VWA3B: variants seen among roughly 807,000 people sequenced by gnomAD.
VWA3B encodes the protein von Willebrand factor A domain containing 3B.
A neutral mutation model predicts 158.3 loss-of-function variants in VWA3B; 138 were observed. The ratio of observed to expected loss-of-function variants is 0.87; its 90% CI spans 0.76 to 1.00. The LOEUF (loss-of-function observed/expected upper bound fraction) is 1.00, where lower values mean the gene tolerates loss of function less well. VWA3B is among the 50% of genes least tolerant of loss of function. VWA3B has a pLI of 0.00. For missense variants in VWA3B, 1,555 were observed against 1,565.1 expected, an observed-to-expected ratio of 0.99 and a Z score of 0.11; for synonymous variants, 596 against 587.3, an observed-to-expected ratio of 1.01 and a Z score of -0.21.
intron 12 of VWA3B, among the ~76,000 whole-genome samples, chr2:98,197,447 G>T (rs1182570245): frequency 6.6e-6 from 1 of 152,056 alleles, no homozygotes; most frequent in Admixed American, 6.6e-5. Context: ...AATATCATTT[G>T]TTCCTTAAGC....
downstream of VWA3B, among the ~76,000 whole-genome samples, chr2:98,317,708 T>A (rs1691117713): frequency 6.6e-6 from 1 of 152,146 alleles, no homozygotes; most frequent in Non-Finnish European, 1.5e-5. Flanking sequence ...ATTCTATATC[T>A]TAAAGGTATT....
intron 9 of VWA3B, among the ~76,000 whole-genome samples, chr2:98,184,310 G>C (rs1291370269): frequency 1.3e-5 from 2 of 152,212 alleles, no homozygotes; most frequent in African/African-American, 4.8e-5. Context: ...GGCAGCGGAG[G>C]TGTCCACCTC....
rs779066687 is a variant in VWA3B, at chr2:98,119,681, G to A, written c.460G>A (p.Gly154Arg). 6 of 1,613,986 alleles carry A rather than the reference G, an allele frequency of 3.7e-6. No individual in the cohort carries two copies. In the East Asian group the frequency reaches 1.1e-4, roughly 30 times the overall value. ...GCTGGATTTTGGCGGCATTCTGGAG[G>A]GGGAGCTTGATCTGTGCCGAGAGGC... is the stretch of plus-strand genomic sequence containing the variant. ...IVLDFGGILEGELDLCREALT... is the reference protein window; with the variant it reads ...IVLDFGGILERELDLCREALT... Residue 154 changes from glycine to arginine, a missense_variant, in exon 4 of 28, where the codon GGG becomes AGG. Physicochemically the swap from Gly to Arg is moderately radical, Grantham distance 125. Coordinates refer to ENST00000477737, the MANE Select transcript of VWA3B (RefSeq NM_144992.5).
At chr2:98,212,307 A>G (rs1339041028) in intron 13 of VWA3B, 5 of 296,952 alleles carry the variant, frequency 1.7e-5, no homozygotes, top group Non-Finnish European at 2.5e-5. Context: ...TCTGCTGTCC[A>G]CTGAAGACTG....
intron 12 of VWA3B, among the ~76,000 whole-genome samples, chr2:98,202,856 G>A (rs542527101): frequency 1.2e-4 from 18 of 152,186 alleles, no homozygotes; most frequent in African/African-American, 4.3e-4. Context: ...TTTTGAGATG[G>A]AGTTTCGCTC....
intron 26 of VWA3B, among the ~76,000 whole-genome samples, chr2:98,306,192 C>T (rs965304816): frequency 6.6e-6 from 1 of 151,402 alleles, no homozygotes; most frequent in Non-Finnish European, 1.5e-5. Context: ...TCCCAGCACC[C>T]TAGCCCCCCC....
chr2:98,214,074 C>A (rs937318883), intron 13 of VWA3B, among the ~76,000 whole-genome samples: 3 of 151,936 alleles, frequency 2.0e-5, no homozygotes, highest in Non-Finnish European at 4.4e-5. Flanking sequence ...ACCTGTAGTC[C>A]TAGCTACTCA....
chr2:98,186,795 C>G (rs922404768), intron 9 of VWA3B, among the ~76,000 whole-genome samples: 4 of 152,032 alleles, frequency 2.6e-5, no homozygotes, highest in Non-Finnish European at 5.9e-5. Context: ...ACAGAGTAAC[C>G]ACTGTAAAGC....
At chr2:98,196,655 A>C (rs1327339037) in intron 12 of VWA3B, among the ~76,000 whole-genome samples, 2 of 152,028 alleles carry the variant, frequency 1.3e-5, no homozygotes, top group African/African-American at 2.4e-5. Context: ...CCCCCAGACC[A>C]TGTTTCCCCG....
In VWA3B at chr2:98,093,173, C is replaced by T. The variant is rs763567884; in HGVS notation, c.81C>T (p.Asp27=). 6.2e-7 allele frequency: 1 copy of T among 1,614,116 alleles called. No homozygotes were observed. Among genetic ancestry groups the T allele is most frequent in the East Asian group, 2.2e-5 (1 of 44,866 alleles). The change falls in exon 2 of 28, where the codon GAC becomes GAT. Residue 27 remains aspartate (D), a synonymous_variant. Coordinates refer to ENST00000477737, the MANE Select transcript of VWA3B (RefSeq NM_144992.5). ...RQEGWINTKT[D]LAEQSLISSE... is the part of the protein sequence containing the mutation. ...AGGGATGGATTAACACCAAAACAGA[C>T]TTGGCTGAGCAGAGTCTCATTTCAT...
At chr2:98,158,316 C>G (rs534751901) in intron 7 of VWA3B, among the ~76,000 whole-genome samples, 1 of 152,014 alleles carries the variant, frequency 6.6e-6, no homozygotes, top group Non-Finnish European at 1.5e-5. Context: ...TCAGCCGGTG[C>G]ACACACACAC....
At chr2:98,127,864 G>A (rs974298562) in intron 5 of VWA3B, among the ~76,000 whole-genome samples, 7 of 152,168 alleles carry the variant, frequency 4.6e-5, no homozygotes, top group African/African-American at 7.2e-5. Flanking sequence ...TGGCACTGCC[G>A]CGGGCAATGG....
chr2:98,100,490 C>T (rs979583751), intron 2 of VWA3B, among the ~76,000 whole-genome samples: 1 of 152,240 alleles, frequency 6.6e-6, no homozygotes, highest in Non-Finnish European at 1.5e-5. Context: ...AACTAAAGCC[C>T]ATGGCGGCTG....
chr2:98,325,815 G>A, the VWA3B span, among the ~76,000 whole-genome samples: 2 of 152,108 alleles, frequency 1.3e-5, no homozygotes, highest in Non-Finnish European at 2.9e-5. Context: ...AGAACAAGTA[G>A]ACCAAAACCA....
At chr2:98,124,234 A>C (rs1675186280) in intron 5 of VWA3B, among the ~76,000 whole-genome samples, 1 of 152,200 alleles carries the variant, frequency 6.6e-6, no homozygotes, top group African/African-American at 2.4e-5. Context: ...GAACAGTGAA[A>C]GGTTGGAAAG....
At chr2:98,207,315 G>T in intron 12 of VWA3B, 1 of 488,292 alleles carries the variant, frequency 2.0e-6, no homozygotes, top group South Asian at 1.6e-5. Flanking sequence ...TCACTGAGCT[G>T]GGCATCTATC....
At chr2:98,286,097 C>T (rs914950376) in intron 22 of VWA3B, among the ~76,000 whole-genome samples, 12 of 151,460 alleles carry the variant, frequency 7.9e-5, no homozygotes, top group African/African-American at 2.4e-4. Flanking sequence ...CATAGAAATA[C>T]AGTTGATTTT....
At chr2:98,223,191 T>G (rs569236877) in intron 14 of VWA3B, among the ~76,000 whole-genome samples, 2 of 151,872 alleles carry the variant, frequency 1.3e-5, no homozygotes, top group Non-Finnish European at 2.9e-5. Context: ...GAGCAGAAAT[T>G]TTTAAAACCT....
intron 7 of VWA3B, among the ~76,000 whole-genome samples, chr2:98,146,342 G>T (rs1222236699): frequency 2.6e-5 from 4 of 152,144 alleles, no homozygotes; most frequent in Non-Finnish European, 4.4e-5. Flanking sequence ...CTATCTGCAG[G>T]CATGTCCTAG....
Sources: gnomAD v4.1 joint callset for allele counts (sites outside exome capture counted in the v4.1 genomes callset) on GRCh38, gnomAD v4.1.1 for gene constraint, MANE v1.5 for transcripts, NCBI Gene and HGNC (gene_info 2026-07-23, HGNC 2026-07-21) for gene names.